The following TCF7L1 variants were observed in gnomAD, a reference collection of about 807,000 sequenced individuals.
The protein encoded by TCF7L1 is transcription factor 7 like 1.
In TCF7L1, 18 loss-of-function variants were observed where a neutral mutation model predicts 63.7. The ratio of observed to expected loss-of-function variants is 0.28; its 90% confidence interval spans 0.20 to 0.42. The LOEUF (loss-of-function observed/expected upper bound fraction) is 0.42, where lower values mean the gene tolerates loss of function less well. Ranked by LOEUF, TCF7L1 falls within the 10% of genes least tolerant of loss-of-function variation. The pLI is 1.00. For missense variants in TCF7L1, 654 were observed against 779.3 expected (o/e 0.84, Z 1.91); for synonymous variants, 355 against 340.9 (o/e 1.04, Z -0.46).
At chr2:85,299,856 C>T (rs986105964) in intron 4 of TCF7L1, among the ~76,000 whole-genome samples, 2 of 145,176 alleles carry the variant, frequency 1.4e-5, no homozygotes, top group African/African-American at 5.1e-5. Flanking sequence ...GAGACCTTGT[C>T]TCAAACACAC....
At chr2:85,307,119 A>G (rs540788030) in intron 10 of TCF7L1, among the ~76,000 whole-genome samples, 30 of 152,180 alleles carry the variant, frequency 2.0e-4, no homozygotes, top group Non-Finnish European at 3.5e-4. Flanking sequence ...CCTCGATTTC[A>G]TAACACAGGG....
rs114942542 is a variant in TCF7L1 at position 85,309,132 on chromosome 2, G to A, written c.1437G>A (p.Pro479=). The part of the protein sequence containing the change: ...ASSHGSMLDS[P]ATPSAALASP... ...CCCACGGGAGCATGCTGGACTCCCC[G>A]GCCACTCCCTCTGCAGCTTTGGCCT... Residue 479 remains proline, a synonymous_variant, in exon 12 of 12, where the codon CCG becomes CCA. Transcript: ENST00000282111. 1,594 of 1,610,598 alleles carry A rather than the reference G, an allele frequency of 9.9e-4. 18 individuals are homozygous for A. In the African/African-American group the frequency reaches 0.017, roughly 18 times the overall value.
intron 3 of TCF7L1, among the ~76,000 whole-genome samples, chr2:85,225,579 GTC>G (rs1679938427): frequency 6.6e-6 from 1 of 152,166 alleles, no homozygotes; most frequent in Admixed American, 6.5e-5. Context: ...CTCTCTGTTT[GTC>G]TGTTATTGGT....
At chr2:85,142,497 TAC>T (rs1321375839) in intron 3 of TCF7L1, among the ~76,000 whole-genome samples, 140 of 147,718 alleles carry the variant, frequency 9.5e-4, no homozygotes, top group African/African-American at 3.3e-3. Context: ...TATATATATA[TAC>T]ACACACACAC....
intron 3 of TCF7L1, among the ~76,000 whole-genome samples, chr2:85,263,064 CCTTCA>C (rs1680892068): frequency 6.6e-6 from 1 of 152,216 alleles, no homozygotes; most frequent in Admixed American, 6.5e-5. Context: ...CAGCCCTTTG[CCTTCA>C]CTTGGGCCAA....
Position 85,172,039 on chromosome 2 carries a change from A to G in TCF7L1, c.441+37589A>G, listed in dbSNP as rs150512181. 9.2e-5 allele frequency among the ~76,000 whole-genome samples: 14 copies of G among 152,038 alleles called. No individual in the cohort carries two copies. In the East Asian group the frequency reaches 2.7e-3, roughly 29 times the overall value. On this transcript the variant is annotated intron_variant, in intron 3 of 11. Transcript: ENST00000282111. ...CCTAGGTGTTCTCCCGCACCGTCCA[A>G]TGAGATGTGCAGTGTCCTCCCCGAG...
chr2:85,235,587 A>G (rs1288534496), intron 3 of TCF7L1, among the ~76,000 whole-genome samples: 1 of 152,138 alleles, frequency 6.6e-6, no homozygotes, highest in Non-Finnish European at 1.5e-5. Flanking sequence ...GCAGCCCAGA[A>G]GCCTCGCGGA....
intron 4 of TCF7L1, among the ~76,000 whole-genome samples, chr2:85,296,442 T>A (rs1023272294): frequency 2.6e-5 from 4 of 152,240 alleles, no homozygotes; most frequent in Non-Finnish European, 2.9e-5. Flanking sequence ...GAGGTAGCCC[T>A]ACAGTCTGCC....
intron 3 of TCF7L1, among the ~76,000 whole-genome samples, chr2:85,198,775 C>T (rs746693861): frequency 6.6e-6 from 1 of 152,126 alleles, no homozygotes; most frequent in Non-Finnish European, 1.5e-5. Flanking sequence ...GCAGGAAGAT[C>T]GCATGAGCCC....
chr2:85,205,800 C>T (rs1024071677), intron 3 of TCF7L1, among the ~76,000 whole-genome samples: 4 of 152,292 alleles, frequency 2.6e-5, no homozygotes, highest in Non-Finnish European at 2.9e-5. Flanking sequence ...GGATTACAGG[C>T]GTGAGCCGCT....
chr2:85,277,529 C>G (rs1243994150), intron 3 of TCF7L1, among the ~76,000 whole-genome samples: 1 of 152,092 alleles, frequency 6.6e-6, no homozygotes, highest in East Asian at 1.9e-4. Context: ...CCCAAAGTCA[C>G]TGTTTACCAT....
rs180682983 is a variant in TCF7L1 at position 85,189,170 on chromosome 2, T to C, written c.441+54720T>C. 2.7e-4 allele frequency among the ~76,000 whole-genome samples: 41 copies of C among 152,330 alleles called. No individual in the cohort carries two copies. In the East Asian group the frequency reaches 7.3e-3, roughly 27 times the overall value. Reference sequence around the variant, plus strand: ...GAATTCCAGATGGGTGATTCTCCCCTTCCTGGTCCTATTTAAAAATACAAG... The same window carrying C: ...GAATTCCAGATGGGTGATTCTCCCCCTCCTGGTCCTATTTAAAAATACAAG... On this transcript the variant is annotated intron_variant, in intron 3 of 11. Coordinates refer to ENST00000282111, the MANE Select transcript of TCF7L1 (RefSeq NM_031283.3).
chr2:85,300,151 A>T (rs1282068134), intron 4 of TCF7L1, among the ~76,000 whole-genome samples: 1 of 152,162 alleles, frequency 6.6e-6, no homozygotes, highest in Admixed American at 6.5e-5. Flanking sequence ...CACCACTCAA[A>T]TATAACTTGT....
At chr2:85,145,772 C>T (rs1308672504) in intron 3 of TCF7L1, among the ~76,000 whole-genome samples, 1 of 152,220 alleles carries the variant, frequency 6.6e-6, no homozygotes, top group African/African-American at 2.4e-5. Flanking sequence ...AGTGGTAAAG[C>T]TTCATCTTCT....
intron 3 of TCF7L1, among the ~76,000 whole-genome samples, chr2:85,248,954 C>G (rs1360159691): frequency 1.3e-5 from 2 of 151,850 alleles, no homozygotes; most frequent in East Asian, 3.9e-4. Context: ...CCTGTGGGTG[C>G]TCCATAAATA....
intron 3 of TCF7L1, among the ~76,000 whole-genome samples, chr2:85,199,856 T>G (rs1679234662): frequency 6.6e-6 from 1 of 152,244 alleles, no homozygotes; most frequent in Non-Finnish European, 1.5e-5. Context: ...CTCACGGAGT[T>G]GTGCAACCAT....
rs536232354 is a variant in TCF7L1 at position 85,213,052 on chromosome 2, G to A, written c.442-70443G>A. On this transcript the variant is annotated intron_variant, in intron 3 of 11. Coordinates refer to ENST00000282111, the MANE Select transcript of TCF7L1 (RefSeq NM_031283.3). ...GTGTGGGGTGGGGTGAGAAGGGGTT[G>A]TGCAAGACTGGACTGGTGACCCAAG... 6.6e-5 allele frequency among the ~76,000 whole-genome samples: 10 copies of A among 151,922 alleles called. No homozygotes were observed. In the South Asian group the frequency reaches 2.1e-3, roughly 32 times the overall value.
chr2:85,241,729 G>A (rs1188494054), intron 3 of TCF7L1, among the ~76,000 whole-genome samples: 1 of 152,086 alleles, frequency 6.6e-6, no homozygotes, highest in Non-Finnish European at 1.5e-5. Flanking sequence ...ATAGGCATGA[G>A]CCATCGGGCC....
At chr2:85,269,635 T>C (rs889043999) in intron 3 of TCF7L1, among the ~76,000 whole-genome samples, 1 of 152,228 alleles carries the variant, frequency 6.6e-6, no homozygotes, top group Non-Finnish European at 1.5e-5. Flanking sequence ...TACTTAAATA[T>C]TTTAAATACT....
Sources: gnomAD v4.1 joint callset for allele counts (sites outside exome capture counted in the v4.1 genomes callset) on GRCh38, gnomAD v4.1.1 for gene constraint, MANE v1.5 for transcripts, NCBI Gene and HGNC (gene_info 2026-07-23, HGNC 2026-07-21) for gene names.